The following PTPRD variants were observed in gnomAD, a reference collection of about 807,000 sequenced individuals.
PTPRD encodes the protein receptor-type tyrosine-protein phosphatase delta.
In PTPRD, 34 loss-of-function variants were observed where a neutral mutation model predicts 214.5. That is an observed-to-expected ratio of 0.16 (90% CI 0.12 to 0.21). The LOEUF is 0.21. PTPRD is among the 10% of genes least tolerant of loss of function. The pLI, the probability that PTPRD is intolerant of heterozygous loss-of-function variation, is 1.00. For synonymous variants in PTPRD, 1,128 were observed against 845.7 expected, an observed-to-expected ratio of 1.33 and a Z score of -5.79; for missense variants, 2,545 against 2,398.7, an observed-to-expected ratio of 1.06 and a Z score of -1.27.
intron 12 of PTPRD, among the ~76,000 whole-genome samples, chr9:8,725,835 G>C (rs1211689968): frequency 6.6e-6 from 1 of 152,120 alleles, no homozygotes; most frequent in Non-Finnish European, 1.5e-5. Flanking sequence ...CTCTGCTCCA[G>C]GGTCCACATT....
intron 11 of PTPRD, among the ~76,000 whole-genome samples, chr9:9,009,241 A>C (rs190317138): frequency 3.9e-4 from 59 of 152,254 alleles, no homozygotes; most frequent in Non-Finnish European, 7.4e-5. Flanking sequence ...AATTACCAGG[A>C]ATATGATATG....
At chr9:9,310,585 A>T (rs1292352183) in intron 9 of PTPRD, among the ~76,000 whole-genome samples, 1 of 152,184 alleles carries the variant, frequency 6.6e-6, no homozygotes, top group East Asian at 1.9e-4. Flanking sequence ...ATGAGCCGTT[A>T]TTGAATGCCT....
At chr9:9,964,067 C>CGGAGGCAGAGACGGAGGCAGAGAT (rs2094528404) in intron 4 of PTPRD, among the ~76,000 whole-genome samples, 4 of 126,406 alleles carry the variant, frequency 3.2e-5, no homozygotes, top group Admixed American at 3.0e-4. Context: ...CAGGCAGAGA[C>CGGAGGCAGAGACGGAGGCAGAGAT]GGAGGCAGAG....
At chr9:8,396,534 C>T (rs937747104) in intron 36 of PTPRD, among the ~76,000 whole-genome samples, 1 of 151,914 alleles carries the variant, frequency 6.6e-6, no homozygotes, top group Non-Finnish European at 1.5e-5. Flanking sequence ...AAAAAAGCTC[C>T]AATGAACTGA....
chr9:10,328,462 A>G (rs916732369), intron 3 of PTPRD, among the ~76,000 whole-genome samples: 1 of 151,730 alleles, frequency 6.6e-6, no homozygotes, highest in African/African-American at 2.4e-5. Context: ...ATTTTTTAAA[A>G]TGTGCATTGC....
At position 10,145,945 on chromosome 9, in the gene PTPRD, T is replaced by G. The variant is rs578061871; in HGVS notation, c.-544-112155A>C. Among the ~76,000 whole-genome samples the G allele has an allele frequency of 3.3e-5, 5 of 150,890 alleles. No homozygotes were observed. The East Asian group carries it at 9.6e-4, about 29-fold the overall frequency. On this transcript the variant is annotated intron_variant, in intron 3 of 45. Transcript: ENST00000381196. The stretch of plus-strand genomic sequence containing the variant: ...AAATATAGTGTATATGTATGCATGT[T>G]TATAAACAGTTAATTAAGATAAATT...
intron 11 of PTPRD, among the ~76,000 whole-genome samples, chr9:8,766,898 G>C (rs76432008): frequency 0.11 from 16,098 of 152,168 alleles, 960 homozygotes; most frequent in Non-Finnish European, 0.13. Context: ...TTAGCCGATG[G>C]TGAAATTGGC....
At chr9:9,685,157 C>G (rs540971923) in intron 7 of PTPRD, among the ~76,000 whole-genome samples, 19 of 151,214 alleles carry the variant, frequency 1.3e-4, no homozygotes, top group Non-Finnish European at 2.8e-4. Context: ...ATTACCATCC[C>G]TTCAACTTAG....
chr9:8,660,417 G>A (rs935210416), intron 12 of PTPRD, among the ~76,000 whole-genome samples: 1 of 152,142 alleles, frequency 6.6e-6, no homozygotes, highest in Non-Finnish European at 1.5e-5. Context: ...AGATGACTGG[G>A]TCAGATGCAT....
intron 3 of PTPRD, among the ~76,000 whole-genome samples, chr9:10,167,515 T>A (rs191898848): frequency 6.6e-6 from 1 of 152,298 alleles, no homozygotes; most frequent in East Asian, 1.9e-4. Context: ...ATTATCTATT[T>A]ATCTATTAGG....
At chr9:8,790,409 C>CT (rs2096180246) in intron 11 of PTPRD, among the ~76,000 whole-genome samples, 1 of 124,800 alleles carries the variant, frequency 8.0e-6, no homozygotes, top group Admixed American at 8.1e-5. Flanking sequence ...GGAATCTTGT[C>CT]TGTTTTTTGT....
chr9:8,657,900 T>A (rs1483498403), intron 12 of PTPRD, among the ~76,000 whole-genome samples: 1 of 152,232 alleles, frequency 6.6e-6, no homozygotes, highest in African/African-American at 2.4e-5. Context: ...TTATTTCTTA[T>A]AATAATGTTT....
intron 32 of PTPRD, among the ~76,000 whole-genome samples, chr9:8,464,327 T>C (rs2096495151): frequency 1.3e-5 from 2 of 152,166 alleles, no homozygotes; most frequent in Middle Eastern, 3.4e-3. Flanking sequence ...TCCATTCCCT[T>C]GATGTTCTGC....
At chr9:9,897,358 C>G (rs1043406375) in intron 5 of PTPRD, among the ~76,000 whole-genome samples, 2 of 152,002 alleles carry the variant, frequency 1.3e-5, no homozygotes, top group Non-Finnish European at 2.9e-5. Flanking sequence ...AACCTACACA[C>G]TTCCACCAAG....
At chr9:9,598,688 G>A (rs1053930475) in intron 7 of PTPRD, among the ~76,000 whole-genome samples, 35 of 151,734 alleles carry the variant, frequency 2.3e-4, no homozygotes, top group African/African-American at 7.7e-4. Context: ...TTTTTTCACA[G>A]TATTAAATGT....
chr9:8,608,001 C>T (rs1325236341), intron 14 of PTPRD, among the ~76,000 whole-genome samples: 1 of 152,208 alleles, frequency 6.6e-6, no homozygotes, highest in African/African-American at 2.4e-5. Context: ...CTGCAAACAT[C>T]TGTGATTACA....
intron 5 of PTPRD, among the ~76,000 whole-genome samples, chr9:9,899,637 T>C (rs2075901971): frequency 6.6e-6 from 1 of 151,948 alleles, no homozygotes; most frequent in South Asian, 2.1e-4. Flanking sequence ...GAAAACAGTA[T>C]GGAGGTTCCT....
intron 3 of PTPRD, among the ~76,000 whole-genome samples, chr9:10,131,072 G>C (rs1011415523): frequency 1.3e-5 from 2 of 152,172 alleles, no homozygotes; most frequent in African/African-American, 4.8e-5. Context: ...AAAAAGAATT[G>C]CATTTGTTGG....
chr9:8,986,776 T>C (rs969148797), intron 11 of PTPRD, among the ~76,000 whole-genome samples: 1 of 152,126 alleles, frequency 6.6e-6, no homozygotes, highest in Non-Finnish European at 1.5e-5. Context: ...TGTTTTTGCA[T>C]GCTAATATCA....
Sources: allele counts gnomAD v4.1 joint callset (sites outside exome capture counted in the v4.1 genomes callset), GRCh38; gene constraint gnomAD v4.1.1; transcripts MANE v1.5; gene names NCBI Gene and HGNC (gene_info 2026-07-23, HGNC 2026-07-21).